ANKRD17: variants seen among roughly 807,000 people sequenced by gnomAD.
The protein encoded by ANKRD17 is ankyrin repeat domain-containing protein 17.
ANKRD17 carries 19 observed loss-of-function variants against 229.7 expected under a neutral mutation model. The observed-to-expected ratio is 0.08, with a 90% CI of 0.06 to 0.12. ANKRD17 has a LOEUF of 0.12. ANKRD17 is among the 10% of genes least tolerant of loss of function. The pLI is 1.00. For synonymous variants in ANKRD17, 1,112 were observed against 1,146.1 expected (o/e 0.97, Z 0.60); for missense variants, 2,176 against 3,176.8 (o/e 0.68, Z 7.57).
chr4:73,142,137 T>C (rs1729692451), intron 13 of ANKRD17, 105 bp downstream of exon 13: 2 of 1,178,168 alleles, frequency 1.7e-6, no homozygotes, highest in Non-Finnish European at 2.3e-6. Flanking sequence ...CAAACAGAAC[T>C]ACATATTAGA....
At chr4:73,169,895 A>C (rs1733748003) in intron 2 of ANKRD17, among the ~76,000 whole-genome samples, 1 of 152,046 alleles carries the variant, frequency 6.6e-6, no homozygotes, top group African/African-American at 2.4e-5. Context: ...CATAGCCGCA[A>C]GGAAATTGTC....
intron 31 of ANKRD17, among the ~76,000 whole-genome samples, chr4:73,077,847 G>T (rs1049164423): frequency 2.6e-4 from 40 of 152,208 alleles, no homozygotes; most frequent in Non-Finnish European, 7.3e-5. Flanking sequence ...GATATTTTCT[G>T]AAAGCAGTAA....
chr4:73,168,643 G>A (rs1733558296), intron 2 of ANKRD17, among the ~76,000 whole-genome samples: 3 of 152,116 alleles, frequency 2.0e-5, no homozygotes, highest in South Asian at 4.1e-4. Context: ...CTAGAAACAC[G>A]GAATTAGCAA....
chr4:73,139,419 G>C, intron 15 of ANKRD17, 112 bp downstream of exon 15: 1 of 1,233,494 alleles, frequency 8.1e-7, no homozygotes, highest in Non-Finnish European at 1.1e-6. Flanking sequence ...AGCTAGACAT[G>C]AGTCAGTCCA....
At chr4:73,180,953 T>A (rs746065162) in intron 1 of ANKRD17, among the ~76,000 whole-genome samples, 133 of 152,144 alleles carry the variant, frequency 8.7e-4, no homozygotes, top group Admixed American at 1.8e-3. Flanking sequence ...TTTGGTTTAG[T>A]CATGTACACC....
intron 27 of ANKRD17, among the ~76,000 whole-genome samples, chr4:73,096,759 AAC>A (rs1313764295): frequency 6.6e-6 from 1 of 152,240 alleles, no homozygotes; most frequent in Non-Finnish European, 1.5e-5. Context: ...ATTTAAAGAC[AAC>A]AGTTACTATG....
intron 16 of ANKRD17, among the ~76,000 whole-genome samples, chr4:73,129,172 C>T (rs911828449): frequency 1.2e-4 from 19 of 152,076 alleles, no homozygotes; most frequent in Admixed American, 2.6e-4. Context: ...TTTCAGTTAG[C>T]CCATGATGCC....
chr4:73,156,651 G>A lies in ANKRD17; in HGVS notation c.705-485C>T, dbSNP rs1044602079. Among the ~76,000 whole-genome samples, 13 of 151,864 alleles carry A rather than the reference G, an allele frequency of 8.6e-5. No individual in the cohort carries two copies. In the South Asian group the frequency reaches 1.0e-3, roughly 12 times the overall value. On this transcript the variant is annotated intron_variant, in intron 3 of 33. Coordinates refer to ENST00000358602, the MANE Select transcript of ANKRD17 (RefSeq NM_032217.5). ...TTGCTCTCTCTCTCTCTCCTACTGC[G>A]CCATGGTAAGACATGCTTGCTTCCC...
chr4:73,115,122 T>G (rs775291585), intron 23 of ANKRD17, among the ~76,000 whole-genome samples: 9 of 152,222 alleles, frequency 5.9e-5, no homozygotes, highest in African/African-American at 1.9e-4. Context: ...AAAAGTAGTA[T>G]GTTCATTTTA....
At chr4:73,133,557 A>T (rs1006650617) in intron 16 of ANKRD17, among the ~76,000 whole-genome samples, 48 of 151,008 alleles carry the variant, frequency 3.2e-4, no homozygotes, top group East Asian at 2.0e-4. Flanking sequence ...TGCCCAGCTA[A>T]TTTTTTTTGT....
chr4:73,080,417 A>G (rs1396898557), intron 30 of ANKRD17, among the ~76,000 whole-genome samples: 2 of 152,250 alleles, frequency 1.3e-5, no homozygotes, highest in East Asian at 3.8e-4. Flanking sequence ...AACTCAGGAA[A>G]GTGTTAGAAG....
chr4:73,203,391 A>G (rs887933649), intron 1 of ANKRD17, among the ~76,000 whole-genome samples: 6 of 152,212 alleles, frequency 3.9e-5, no homozygotes, highest in African/African-American at 1.4e-4. Flanking sequence ...TATTTTTAGG[A>G]CAATATCAAA....
At chr4:73,125,599 G>A (rs1175432018) in intron 16 of ANKRD17, among the ~76,000 whole-genome samples, 1 of 151,974 alleles carries the variant, frequency 6.6e-6, no homozygotes, top group African/African-American at 2.4e-5. Flanking sequence ...CGGGTGTGGT[G>A]GTGCGTGCCT....
intron 3 of ANKRD17, among the ~76,000 whole-genome samples, chr4:73,157,082 A>G (rs1731758600): frequency 6.6e-6 from 1 of 152,164 alleles, no homozygotes; most frequent in Non-Finnish European, 1.5e-5. Flanking sequence ...TTAAAACATA[A>G]AAGTTTATAG....
intron 15 of ANKRD17, 85 bp from the exon 16 acceptor site, chr4:73,135,350 C>T: frequency 7.6e-7 from 1 of 1,322,230 alleles, no homozygotes; most frequent in Non-Finnish European, 1.0e-6. Flanking sequence ...TATTTAAAGA[C>T]TTCTTAAAAC....
chr4:73,120,021 G>T, intron 21 of ANKRD17, 141 bp downstream of exon 21: 3 of 838,952 alleles, frequency 3.6e-6, no homozygotes, highest in Non-Finnish European at 5.7e-6. Flanking sequence ...GAAAACAATG[G>T]GTAGGTTTGG....
rs774981284 is a variant in ANKRD17, at chr4:73,078,612, ATT to A, written c.7408+28_7408+29del. The A allele has an allele frequency of 2.6e-5, 41 of 1,595,402 alleles. No individual in the cohort carries two copies. In the East Asian group the frequency reaches 8.8e-4, roughly 34 times the overall value. On this transcript the variant is annotated intron_variant, in intron 31 of 33. Transcript: ENST00000358602. ...CATTATAGTTAAATGCATTAAGTTA[ATT>A]TCTAGAGAGCAGGACAGAATATCCT...
intron 1 of ANKRD17, among the ~76,000 whole-genome samples, chr4:73,182,051 C>CAAAAAAAAAAAAA (rs143812968): frequency 4.6e-5 from 2 of 43,258 alleles, no homozygotes; most frequent in African/African-American, 1.1e-4. Context: ...CCGTCCCCAC[C>CAAAAAAAAAAAAA]AAAAAAAAAA....
chr4:73,144,342 T>TA (rs1158797603), intron 11 of ANKRD17, among the ~76,000 whole-genome samples: 1 of 152,126 alleles, frequency 6.6e-6, no homozygotes, highest in Non-Finnish European at 1.5e-5. Context: ...CTGTATTTTA[T>TA]AAAAAAGGAA....
Sources: allele counts gnomAD v4.1 joint callset (sites outside exome capture counted in the v4.1 genomes callset), GRCh38; gene constraint gnomAD v4.1.1; transcripts MANE v1.5; gene names NCBI Gene and HGNC (gene_info 2026-07-23, HGNC 2026-07-21).